CSMD1: variants seen among roughly 807,000 people sequenced by gnomAD.
CSMD1 encodes the protein CUB and sushi domain-containing protein 1.
Under a neutral mutation model 417.5 loss-of-function variants are expected in CSMD1, and 213 were observed. The ratio of observed to expected loss-of-function variants is 0.51; its 90% CI spans 0.46 to 0.57. CSMD1 has a LOEUF of 0.57. CSMD1 is among the 20% of genes least tolerant of loss of function. The probability of loss-of-function intolerance (pLI) is 0.00; values close to 1 mark genes in which losing one functional copy is unlikely to be tolerated. For synonymous variants in CSMD1, 2,862 were observed against 1,736.8 expected (o/e 1.65, Z -16.11); for missense variants, 6,923 against 4,529.7 (o/e 1.53, Z -15.17).
rs186469703 is a variant in CSMD1 at position 3,579,921 on chromosome 8, T to C, written c.1223-4855A>G. 9.2e-5 allele frequency among the ~76,000 whole-genome samples: 14 copies of C among 152,070 alleles called. No individual in the cohort carries two copies. The East Asian group carries it at 2.3e-3, about 25-fold the overall frequency. On this transcript the variant is annotated intron_variant, in intron 9 of 69. Coordinates refer to ENST00000635120, the MANE Select transcript of CSMD1 (RefSeq NM_033225.6). ...GAGTTTGAGACCAGCATGGCCAACA[T>C]GGTGAAACCCTGTCTCTACGAAACA... is the stretch of plus-strand genomic sequence containing the variant.
At chr8:3,492,703 C>A (rs537845260) in intron 11 of CSMD1, among the ~76,000 whole-genome samples, 2 of 152,332 alleles carry the variant, frequency 1.3e-5, no homozygotes, top group African/African-American at 4.8e-5. Flanking sequence ...GGCTGCAGAA[C>A]AGTCTGTGAT....
intron 5 of CSMD1, among the ~76,000 whole-genome samples, chr8:3,956,205 T>A (rs970394599): frequency 6.6e-6 from 1 of 152,206 alleles, no homozygotes; most frequent in African/African-American, 2.4e-5. Flanking sequence ...TAACTAAATG[T>A]AGATAGCATA....
At chr8:3,925,307 A>G (rs988311071) in intron 5 of CSMD1, among the ~76,000 whole-genome samples, 1 of 152,240 alleles carries the variant, frequency 6.6e-6, no homozygotes, top group African/African-American at 2.4e-5. Flanking sequence ...GAAGCATCAG[A>G]GTAAAGTACT....
intron 3 of CSMD1, among the ~76,000 whole-genome samples, chr8:4,272,206 T>C (rs961403247): frequency 1.3e-5 from 2 of 152,168 alleles, no homozygotes; most frequent in Admixed American, 1.3e-4. Context: ...ATAGGTATAG[T>C]ACTTTATGGC....
rs146378251 is a variant in CSMD1, at chr8:4,453,597, G to A, written c.303-33532C>T. On this transcript the variant is annotated intron_variant, in intron 2 of 69. Coordinates refer to ENST00000635120, the MANE Select transcript of CSMD1 (RefSeq NM_033225.6). Reference sequence around the variant, plus strand: ...ATATCGCTTGAACAATTGAACTGCTGTGAATCGACAGCACAGTGCTGAGAA... The same window carrying A: ...ATATCGCTTGAACAATTGAACTGCTATGAATCGACAGCACAGTGCTGAGAA... 6.7e-3 allele frequency among the ~76,000 whole-genome samples: 1,014 copies of A among 152,156 alleles called. 3 individuals carry two copies. Among genetic ancestry groups the A allele is most frequent in the Non-Finnish European group, 9.7e-3 (661 of 68,002 alleles).
chr8:4,378,383 C>G (rs1235069233), intron 3 of CSMD1, among the ~76,000 whole-genome samples: 3 of 152,184 alleles, frequency 2.0e-5, no homozygotes, highest in African/African-American at 7.2e-5. Flanking sequence ...TTAGCTCACT[C>G]GTTTGCACGC....
chr8:4,894,953 T>C (rs139594369), intron 1 of CSMD1, among the ~76,000 whole-genome samples: 17 of 152,310 alleles, frequency 1.1e-4, no homozygotes, highest in African/African-American at 3.6e-4. Flanking sequence ...ATCAAATGGC[T>C]GAGGTTCAGG....
chr8:3,525,144 T>A (rs1280616327), intron 10 of CSMD1, among the ~76,000 whole-genome samples: 2 of 152,078 alleles, frequency 1.3e-5, no homozygotes, highest in East Asian at 1.9e-4. Context: ...ATACAGTGAG[T>A]CTTGAGTCTC....
chr8:4,289,897 C>T (rs1339604690), intron 3 of CSMD1, among the ~76,000 whole-genome samples: 1 of 152,138 alleles, frequency 6.6e-6, no homozygotes, highest in East Asian at 1.9e-4. Flanking sequence ...AGGAATGAAT[C>T]AAATGGTACC....
intron 26 of CSMD1, among the ~76,000 whole-genome samples, chr8:3,262,771 C>T (rs758621653): frequency 2.6e-5 from 4 of 152,030 alleles, no homozygotes; most frequent in Admixed American, 6.6e-5. Flanking sequence ...TTAACAAGTA[C>T]TTAATAGTTA....
intron 1 of CSMD1, among the ~76,000 whole-genome samples, chr8:4,947,183 A>G (rs1808426349): frequency 1.3e-5 from 2 of 152,204 alleles, no homozygotes; most frequent in East Asian, 3.8e-4. Flanking sequence ...AAAATATGTT[A>G]ACAGAATACA....
In CSMD1 at chr8:3,978,803, G is replaced by A. The variant is rs1434473888; in HGVS notation, c.818+19100C>T. On this transcript the variant is annotated intron_variant, in intron 5 of 69. Transcript: ENST00000635120. The stretch of plus-strand genomic sequence containing the variant: ...TAAGGGAAAGCAGCTTTCCTTTCCG[G>A]AGACATCGGTGATTTACTGAGGTCT... Among the ~76,000 whole-genome samples the A allele has an allele frequency of 3.3e-5, 5 of 152,034 alleles. No homozygotes were observed. The East Asian group carries it at 9.7e-4, about 29-fold the overall frequency.
At chr8:4,000,050 T>G (rs923077217) in intron 4 of CSMD1, among the ~76,000 whole-genome samples, 2 of 152,264 alleles carry the variant, frequency 1.3e-5, no homozygotes, top group African/African-American at 2.4e-5. Flanking sequence ...TATACTACAA[T>G]TTGAAAACTG....
At chr8:3,750,400 C>T (rs1349173761) in intron 6 of CSMD1, among the ~76,000 whole-genome samples, 1 of 150,816 alleles carries the variant, frequency 6.6e-6, no homozygotes, top group African/African-American at 2.4e-5. Context: ...TGTTTGACAA[C>T]ATTTGGAAAG....
chr8:4,947,615 G>T (rs1459615251), intron 1 of CSMD1, among the ~76,000 whole-genome samples: 1 of 151,998 alleles, frequency 6.6e-6, no homozygotes, highest in Admixed American at 6.6e-5. Context: ...TAAACTTACG[G>T]CATTCTTCTT....
rs150193728 is a variant in CSMD1, at chr8:2,995,496, T to C, written c.8377+2515A>G. Among the ~76,000 whole-genome samples the C allele has an allele frequency of 7.5e-3, 1,137 of 152,290 alleles. 11 individuals are homozygous for C. The highest frequency in any genetic ancestry group is 0.026 in the African/African-American group (1,084 of 41,546). The stretch of plus-strand genomic sequence containing the variant: ...TGGAAAAATGCTTGGCAGTTTCTTA[T>C]AAGACTAAACTTGCAAATACCGTAT... On this transcript the variant is annotated intron_variant, in intron 54 of 69. Transcript: ENST00000635120.
chr8:4,002,712 A>G (rs1815785029), intron 4 of CSMD1, among the ~76,000 whole-genome samples: 1 of 152,232 alleles, frequency 6.6e-6, no homozygotes, highest in Non-Finnish European at 1.5e-5. Flanking sequence ...ACAAGGACCC[A>G]ATATGATTAA....
At chr8:4,712,186 A>G (rs1458332504) in intron 1 of CSMD1, among the ~76,000 whole-genome samples, 2 of 152,218 alleles carry the variant, frequency 1.3e-5, no homozygotes, top group East Asian at 1.9e-4. Flanking sequence ...TTCAGGCTCA[A>G]ATGTCTGCGA....
At chr8:4,243,849 G>A (rs1446861978) in intron 3 of CSMD1, among the ~76,000 whole-genome samples, 1 of 152,088 alleles carries the variant, frequency 6.6e-6, no homozygotes, top group East Asian at 1.9e-4. Flanking sequence ...AACAGAGTAG[G>A]GACTGTGTTA....
Sources: allele counts gnomAD v4.1 joint callset (sites outside exome capture counted in the v4.1 genomes callset), GRCh38; gene constraint gnomAD v4.1.1; transcripts MANE v1.5; gene names NCBI Gene and HGNC (gene_info 2026-07-23, HGNC 2026-07-21).